KBTBD8: variants seen among roughly 807,000 people sequenced by gnomAD.
KBTBD8 encodes kelch repeat and BTB domain-containing protein 8.
KBTBD8 carries 31 observed loss-of-function variants against 53.5 expected under a neutral mutation model. That is an observed-to-expected ratio of 0.58 (90% confidence interval 0.44 to 0.78). The LOEUF is 0.78. Ranked by LOEUF, KBTBD8 falls within the 30% of genes least tolerant of loss-of-function variation. The pLI is 0.00. For missense variants in KBTBD8, 642 were observed against 735.8 expected, an observed-to-expected ratio of 0.87 and a Z score of 1.48; for synonymous variants, 250 against 247.3, an observed-to-expected ratio of 1.01 and a Z score of -0.10.
In KBTBD8 at chr3:67,004,091, C is replaced by T; in HGVS notation, c.1124C>T (p.Ser375Phe). 6.2e-7 allele frequency: 1 copy of T among 1,614,182 alleles called. No individual in the cohort carries two copies. Among genetic ancestry groups the T allele is most frequent in the African/African-American group, 1.3e-5 (1 of 75,054 alleles). The part of the protein sequence containing the change: ...HSTNRWLSKP[S>F]LLRARIGCKL... The stretch of plus-strand genomic sequence containing the variant: ...ACCAATAGATGGCTATCCAAACCAT[C>T]CTTGCTTCGAGCCAGAATAGGCTGC... The change falls in exon 3 of 4, where the codon TCC (serine) becomes TTC (phenylalanine). Residue 375 changes from serine (S) to phenylalanine (F), a missense_variant. Transcript: ENST00000417314.
Position 67,003,720 on chromosome 3 carries a change from G to T in KBTBD8, c.753G>T (p.Glu251Asp). The T allele has an allele frequency of 6.2e-7, 1 of 1,614,120 alleles. No individual in the cohort carries two copies. The highest frequency in any genetic ancestry group is 8.5e-7 in the Non-Finnish European group (1 of 1,180,026). The change falls in exon 3 of 4, where the codon GAG (glutamate) becomes GAT (aspartate). Residue 251 changes from glutamate (E) to aspartate (D), a missense_variant. Glu to Asp is a conservative substitution (Grantham distance 45). Transcript: ENST00000417314. ...CTCTGATGGAAGATACCTTTATAGA[G>T]AAAATTCCACCTCAGTTTGCACAGG... ...RFPLMEDTFI[E>D]KIPPQFAQAI... is the part of the protein sequence containing the mutation.
intron 1 of KBTBD8, 99 bp downstream of exon 1, chr3:66,998,470 G>C: frequency 1.0e-6 from 1 of 965,218 alleles, no homozygotes; most frequent in Non-Finnish European, 1.4e-6. Context: ...GCGGTGCGGA[G>C]CTAGAGGGAA....
chr3:67,003,836 G>A lies in KBTBD8; in HGVS notation c.869G>A (p.Cys290Tyr), dbSNP rs1453266729. The change falls in exon 3 of 4, where the codon TGT becomes TAT. Residue 290 changes from cysteine (C) to tyrosine (Y), a missense_variant. By Grantham distance (194) the Cys-to-Tyr change is radical. Transcript: ENST00000417314. ...ATGACTGCTTCTGAAATGATCATAT[G>A]TTTTGATGCTGCCCACAAACACTCA... Reference protein sequence around the residue: ...LGMTASEMIICFDAAHKHSGK... With the variant: ...LGMTASEMIIYFDAAHKHSGK... The A allele has an allele frequency of 8.7e-6, 14 of 1,614,094 alleles. No individual in the cohort carries two copies. The highest frequency in any genetic ancestry group is 1.1e-5 in the Non-Finnish European group (13 of 1,180,046).
In KBTBD8 at chr3:67,003,304, G is replaced by C. The variant is rs751500396; in HGVS notation, c.337G>C (p.Val113Leu). 1.2e-5 allele frequency: 20 copies of C among 1,614,168 alleles called. No homozygotes were observed. The highest frequency in any genetic ancestry group is 1.6e-5 in the Non-Finnish European group (19 of 1,180,030). The change falls in exon 3 of 4, where the codon GTT becomes CTT. Residue 113 changes from valine to leucine, a missense_variant. By Grantham distance (32) the Val-to-Leu change is conservative. Coordinates refer to ENST00000417314, the MANE Select transcript of KBTBD8 (RefSeq NM_032505.3). Reference protein sequence around the residue: ...LVLNYAYTSRVILTEANVQAL... With the variant: ...LVLNYAYTSRLILTEANVQAL... ...GTTGAACTATGCCTACACTTCCAGA[G>C]TTATTCTTACAGAGGCCAATGTTCA...
At position 67,008,121 on chromosome 3, in the gene KBTBD8, C is replaced by A; in HGVS notation, c.1542C>A (p.Asp514Glu). 6.2e-7 allele frequency: 1 copy of A among 1,614,062 alleles called. No individual in the cohort carries two copies. Among genetic ancestry groups the A allele is most frequent in the Non-Finnish European group, 8.5e-7 (1 of 1,179,990 alleles). ...IELNKWTRKK[D>E]FPCDQSINPY... The stretch of plus-strand genomic sequence containing the variant: ...TAAATAAATGGACTCGTAAGAAAGA[C>A]TTTCCATGTGATCAGTCCATAAATC... Residue 514 changes from aspartate to glutamate, a missense_variant, in exon 4 of 4, where the codon GAC becomes GAA. Coordinates refer to ENST00000417314, the MANE Select transcript of KBTBD8 (RefSeq NM_032505.3).
chr3:66,998,366 C>T lies in KBTBD8; in HGVS notation c.11C>T (p.Ser4Leu), dbSNP rs1405732671. MAA[S>L]ADLSKSSPTP... is the part of the protein sequence containing the mutation. Reference sequence around the variant, plus strand: ...GGGCCCCATCGAGAAATGGCCGCGTCGGCAGGTGGGTCGTGTGGTGGCCAG... The same window carrying T: ...GGGCCCCATCGAGAAATGGCCGCGTTGGCAGGTGGGTCGTGTGGTGGCCAG... Residue 4 changes from serine (S) to leucine (L), a missense_variant, in exon 1 of 4, where the codon TCG becomes TTG. By Grantham distance (145) the Ser-to-Leu change is moderately radical. Coordinates refer to ENST00000417314, the MANE Select transcript of KBTBD8 (RefSeq NM_032505.3). The T allele has an allele frequency of 9.8e-6, 12 of 1,224,874 alleles. No homozygotes were observed. Among genetic ancestry groups the T allele is most frequent in the East Asian group, 3.6e-5 (1 of 27,482 alleles). 75.9% of individuals were successfully genotyped at this position (1,224,874 alleles called of 1,614,324 possible).
In KBTBD8 at chr3:67,010,070, T is replaced by G. The variant is rs1270882287; in HGVS notation, c.*1685T>G. 1 of 152,582 alleles carries G rather than the reference T, an allele frequency of 6.6e-6. No individual in the cohort carries two copies. The highest frequency in any genetic ancestry group is 2.4e-5 in the African/African-American group (1 of 41,460). The allele number at this position is 152,582 out of a possible 1,614,324, so 9.5% of individuals were successfully genotyped here. On this transcript the variant is annotated 3_prime_UTR_variant, in exon 4 of 4. Coordinates refer to ENST00000417314, the MANE Select transcript of KBTBD8 (RefSeq NM_032505.3). ...GAATTAACATTTTAAAATCTAGTCT[T>G]AGCTAGATATGTGGTTTCTTCTTAT...
At chr3:67,005,163 G>A (rs1702054449) in intron 3 of KBTBD8, among the ~76,000 whole-genome samples, 1 of 152,086 alleles carries the variant, frequency 6.6e-6, no homozygotes, top group South Asian at 2.1e-4. Flanking sequence ...CATTTTAGTT[G>A]CTTGAATGTT....
intron 2 of KBTBD8, among the ~76,000 whole-genome samples, chr3:67,001,781 T>A (rs182669151): frequency 1.4e-4 from 22 of 152,360 alleles, no homozygotes; most frequent in African/African-American, 4.8e-4. Context: ...GGGCAGCAAG[T>A]TGAGTCCTTG....
At position 67,008,009 on chromosome 3, in the gene KBTBD8, C is replaced by A. The variant is rs1702083710; in HGVS notation, c.1430C>A (p.Ala477Asp). ...GTGCCTAGAATCCAGGGCTTAGCAGCTGTATACAAGGACTCTATCTACTAC... is the reference window on the plus strand; with the variant it reads ...GTGCCTAGAATCCAGGGCTTAGCAGATGTATACAAGGACTCTATCTACTAC... ...MTVPRIQGLAAVYKDSIYYIA... is the reference protein window; with the variant it reads ...MTVPRIQGLADVYKDSIYYIA... Residue 477 changes from alanine to aspartate, a missense_variant, in exon 4 of 4, where the codon GCT (alanine) becomes GAT (aspartate). Physicochemically the swap from Ala to Asp is moderately radical, Grantham distance 126. Transcript: ENST00000417314. 1.2e-6 allele frequency: 2 copies of A among 1,613,170 alleles called. No homozygotes were observed. The highest frequency in any genetic ancestry group is 1.7e-6 in the Non-Finnish European group (2 of 1,179,644).
At position 67,003,452 on chromosome 3, in the gene KBTBD8, A is replaced by T; in HGVS notation, c.485A>T (p.Tyr162Phe). The change falls in exon 3 of 4, where the codon TAT (tyrosine) becomes TTT (phenylalanine). Residue 162 changes from tyrosine (Y) to phenylalanine (F), a missense_variant. Coordinates refer to ENST00000417314, the MANE Select transcript of KBTBD8 (RefSeq NM_032505.3). The part of the protein sequence containing the change: ...SIGVFIFADH[Y>F]GHQELGDRSK... ...GGGGTCTTTATCTTTGCTGATCATT[A>T]TGGTCATCAGGAACTCGGAGATCGA... 1 of 1,614,178 alleles carries T rather than the reference A, an allele frequency of 6.2e-7. No homozygotes were observed. Among genetic ancestry groups the T allele is most frequent in the East Asian group, 2.2e-5 (1 of 44,882 alleles).
chr3:66,999,764 A>G (rs1702000124), intron 2 of KBTBD8, among the ~76,000 whole-genome samples: 1 of 152,196 alleles, frequency 6.6e-6, no homozygotes, highest in Non-Finnish European at 1.5e-5. Flanking sequence ...ACAAATTACC[A>G]CTCAATAGAT....
intron 3 of KBTBD8, among the ~76,000 whole-genome samples, chr3:67,006,328 T>C (rs1322657800): frequency 6.6e-6 from 1 of 152,226 alleles, no homozygotes; most frequent in Non-Finnish European, 1.5e-5. Flanking sequence ...ATTTCAGGGC[T>C]GGAATTATTA....
Position 67,008,200 on chromosome 3 carries a change from A to G in KBTBD8, c.1621A>G (p.Thr541Ala), listed in dbSNP as rs1702086979. 1.2e-6 allele frequency: 2 copies of G among 1,614,142 alleles called. No homozygotes were observed. The highest frequency in any genetic ancestry group is 1.7e-6 in the Non-Finnish European group (2 of 1,180,016). The change falls in exon 4 of 4, where the codon ACT (threonine) becomes GCT (alanine). Residue 541 changes from threonine to alanine, a missense_variant. By Grantham distance (58) the Thr-to-Ala change is moderately conservative (BLOSUM62 0). Coordinates refer to ENST00000417314, the MANE Select transcript of KBTBD8 (RefSeq NM_032505.3). ...QNKLHLFVRATQVTVEEHVFR... is the reference protein window; with the variant it reads ...QNKLHLFVRAAQVTVEEHVFR... ...CAAACTCCATTTATTTGTTCGAGCT[A>G]CTCAAGTGACTGTTGAAGAACACGT...
rs536237430 is a variant in KBTBD8 at position 67,003,764 on chromosome 3, T to G, written c.797T>G (p.Val266Gly). The change falls in exon 3 of 4, where the codon GTA becomes GGA. Residue 266 changes from valine (V) to glycine (G), a missense_variant. Transcript: ENST00000417314. ...QFAQAIAKSC[V>G]EKGPSNTNGC... is the part of the protein sequence containing the mutation. ...GCACAGGCTATAGCCAAAAGCTGTGTAGAAAAGGGACCATCCAACACCAAT... is the reference window on the plus strand; with the variant it reads ...GCACAGGCTATAGCCAAAAGCTGTGGAGAAAAGGGACCATCCAACACCAAT... 3 of 1,614,128 alleles carry G rather than the reference T, an allele frequency of 1.9e-6. No homozygotes were observed. In the East Asian group the frequency reaches 6.7e-5, roughly 36 times the overall value.
chr3:67,003,101 G>T lies in KBTBD8; in HGVS notation c.228-94G>T, dbSNP rs145010420. The T allele has an allele frequency of 1.2e-3, 1,483 of 1,254,766 alleles. 4 individuals are homozygous for T. Among genetic ancestry groups the T allele is most frequent in the Non-Finnish European group, 1.3e-3 (1,145 of 890,442 alleles). 77.7% of individuals were successfully genotyped at this position (1,254,766 alleles called of 1,614,324 possible). ...TTTAGGAAATATTCTGTTTCAAAAGGTTATCTTTGTGGTAACTTTGTACTT... is the reference window on the plus strand; with the variant it reads ...TTTAGGAAATATTCTGTTTCAAAAGTTTATCTTTGTGGTAACTTTGTACTT... On this transcript the variant is annotated intron_variant, in intron 2 of 3. Transcript: ENST00000417314.
At chr3:67,004,576 A>G (rs754544476) in intron 3 of KBTBD8, among the ~76,000 whole-genome samples, 1 of 152,214 alleles carries the variant, frequency 6.6e-6, no homozygotes, top group Non-Finnish European at 1.5e-5. Flanking sequence ...ACTATTTTTG[A>G]AAACATTCTT....
Position 67,008,065 on chromosome 3 carries a change from A to G in KBTBD8, c.1486A>G (p.Met496Val), listed in dbSNP as rs377495210. 7 of 1,614,030 alleles carry G rather than the reference A, an allele frequency of 4.3e-6. No homozygotes were observed. The highest frequency in any genetic ancestry group is 1.3e-5 in the African/African-American group (1 of 74,936). Residue 496 changes from methionine (M) to valine (V), a missense_variant, in exon 4 of 4, where the codon ATG becomes GTG. By Grantham distance (21) the Met-to-Val change is conservative. Coordinates refer to ENST00000417314, the MANE Select transcript of KBTBD8 (RefSeq NM_032505.3). ...IAGTCGNHQR[M>V]FTVEAYDIEL... ...TGGAACCTGTGGAAATCATCAACGT[A>G]TGTTTACTGTAGAAGCCTATGATAT...
chr3:67,002,548 A>G (rs1185763649), intron 2 of KBTBD8, among the ~76,000 whole-genome samples: 1 of 113,766 alleles, frequency 8.8e-6, no homozygotes, highest in Non-Finnish European at 1.6e-5. Context: ...ATGGAGTCTC[A>G]CTCTGTCTTC....
Sources: allele counts gnomAD v4.1 joint callset (sites outside exome capture counted in the v4.1 genomes callset), GRCh38; gene constraint gnomAD v4.1.1; transcripts MANE v1.5; gene names NCBI Gene and HGNC (gene_info 2026-07-23, HGNC 2026-07-21).